Variants in NOP9 observed in about 807,000 individuals in gnomAD.
The protein encoded by NOP9 is nucleolar protein 9.
A neutral mutation model predicts 63.0 loss-of-function variants in NOP9; 50 were observed. The observed-to-expected ratio is 0.79, with a 90% CI of 0.63 to 1.00. The LOEUF is 1.00. NOP9 is among the 50% of genes least tolerant of loss of function. The pLI is 0.00. For synonymous variants in NOP9, 343 were observed against 332.8 expected (o/e 1.03, Z -0.33); for missense variants, 758 against 803.0 (o/e 0.94, Z 0.68).
the NOP9 span, chr14:24,291,456 T>A: frequency 5.3e-6 from 7 of 1,321,066 alleles, no homozygotes; most frequent in Non-Finnish European, 7.7e-6. Context: ...AAGAATGACA[T>A]GTTCCTCAAC....
chr14:24,290,346 G>A, the NOP9 span, among the ~76,000 whole-genome samples: 1 of 152,242 alleles, frequency 6.6e-6, no homozygotes, highest in Non-Finnish European at 1.5e-5. Flanking sequence ...AGGCATCCCT[G>A]AAGAGATGGT....
chr14:24,290,951 G>T, the NOP9 span: 15 of 1,614,052 alleles, frequency 9.3e-6, no homozygotes, highest in Admixed American at 1.7e-4. Context: ...CCGGACACGT[G>T]TGAGAGAACA....
intron 5 of NOP9, 123 bp downstream of exon 5, chr14:24,302,547 T>A (rs890094274): frequency 2.2e-5 from 22 of 984,706 alleles, no homozygotes; most frequent in Non-Finnish European, 2.9e-5. Flanking sequence ...GAAAAGCTAT[T>A]CTTTGAGGTT....
intron 7 of NOP9, 67 bp from the exon 8 acceptor site, chr14:24,303,974 G>A (rs1370532626): frequency 1.3e-6 from 2 of 1,579,580 alleles, no homozygotes; most frequent in Non-Finnish European, 1.7e-6. Context: ...AGGTGGCAGT[G>A]TTCTGGGGAT....
chr14:24,275,942 A>G, the NOP9 span, among the ~76,000 whole-genome samples: 1 of 152,266 alleles, frequency 6.6e-6, no homozygotes, highest in Non-Finnish European at 1.5e-5. Flanking sequence ...ACTTTCTGTG[A>G]CAATGGAAGT....
At chr14:24,297,235 G>A (rs1315964559), upstream of NOP9, among the ~76,000 whole-genome samples, 1 of 152,076 alleles carries the variant, frequency 6.6e-6, no homozygotes, top group Admixed American at 6.6e-5. Flanking sequence ...CCTTGTTGTG[G>A]TCATTTCCAT....
the NOP9 span, chr14:24,290,542 C>G: frequency 3.4e-6 from 1 of 296,920 alleles, no homozygotes; most frequent in Non-Finnish European, 6.4e-6. Flanking sequence ...ATCTTTGAGT[C>G]TTTCTCCCAA....
chr14:24,305,992 G>C lies in NOP9; in HGVS notation c.*897G>C. On this transcript the variant is annotated 3_prime_UTR_variant, in exon 10 of 10. Transcript: ENST00000267425. ...AAGTCCTTGAAAGTCACAACTCATA[G>C]AGTAGAGCCCGTAGAATGTGGCTTT... 6.2e-7 allele frequency: 1 copy of C among 1,614,180 alleles called. No homozygotes were observed. Among genetic ancestry groups the C allele is most frequent in the Non-Finnish European group, 8.5e-7 (1 of 1,180,026 alleles).
In NOP9 at chr14:24,303,362, G is replaced by T; in HGVS notation, c.1284+148G>T. 3 of 959,844 alleles carry T rather than the reference G, an allele frequency of 3.1e-6. No individual in the cohort carries two copies. The South Asian group carries it at 4.5e-5, about 14-fold the overall frequency. 59.5% of individuals were successfully genotyped at this position (959,844 alleles called of 1,614,324 possible). ...GGAATGGGGGAAAATGAGGCCTATAGGTGCCCGCCACCATACCCAGCTAAT... is the reference window on the plus strand; with the variant it reads ...GGAATGGGGGAAAATGAGGCCTATATGTGCCCGCCACCATACCCAGCTAAT... On this transcript the variant is annotated intron_variant, in intron 6 of 9. Coordinates refer to ENST00000267425, the MANE Select transcript of NOP9 (RefSeq NM_174913.3).
At chr14:24,298,920 T>G (rs1594613427), upstream of NOP9, 1 of 1,572,638 alleles carries the variant, frequency 6.4e-7, no homozygotes, top group Admixed American at 1.7e-5. Context: ...CTCTCTCGGG[T>G]GGTTTCTGCA....
chr14:24,305,479 G>A lies in NOP9; in HGVS notation c.*384G>A. On this transcript the variant is annotated 3_prime_UTR_variant, in exon 10 of 10. Coordinates refer to ENST00000267425, the MANE Select transcript of NOP9 (RefSeq NM_174913.3). Reference sequence around the variant, plus strand: ...ATAGACTTGGGATGTGAGGCGTTATGCTGAAAGGTTCTGTCACGAGGGGAT... The same window carrying A: ...ATAGACTTGGGATGTGAGGCGTTATACTGAAAGGTTCTGTCACGAGGGGAT... 1.1e-6 allele frequency: 1 copy of A among 884,160 alleles called. No individual in the cohort carries two copies. The highest frequency in any genetic ancestry group is 1.7e-5 in the South Asian group (1 of 57,338). 54.8% of individuals were successfully genotyped at this position (884,160 alleles called of 1,614,324 possible). A position where few individuals can be genotyped will look rare whatever the true frequency, so the allele number is the denominator to read the frequency against.
In NOP9 at chr14:24,300,221, T is replaced by G. The variant is rs1594616125; in HGVS notation, c.247+20T>G. Reference sequence around the variant, plus strand: ...AACGAGGTAGGCAGCAACTTCGGGGTTTAGACCAAGAGCATCAAATCCAGG... The same window carrying G: ...AACGAGGTAGGCAGCAACTTCGGGGGTTAGACCAAGAGCATCAAATCCAGG... On this transcript the variant is annotated intron_variant, in intron 1 of 9. Coordinates refer to ENST00000267425, the MANE Select transcript of NOP9 (RefSeq NM_174913.3). 1.2e-6 allele frequency: 2 copies of G among 1,611,238 alleles called. No homozygotes were observed. The highest frequency in any genetic ancestry group is 8.5e-7 in the Non-Finnish European group (1 of 1,177,904).
Position 24,303,830 on chromosome 14 carries a change from G to T in NOP9, c.1383G>T (p.Glu461Asp), listed in dbSNP as rs553174329. The change falls in exon 7 of 10, where the codon GAG (glutamate) becomes GAT (aspartate). Residue 461 changes from glutamate (E) to aspartate (D), a missense_variant. Glu to Asp is a conservative substitution (Grantham distance 45). Transcript: ENST00000267425. ...AYEVYYGLTE[E>D]EGAVPAEHQV... ...AGGTGTACTATGGACTGACGGAGGA[G>T]GAGGGGGCAGTGCCTGCAGAGCACC... 6.2e-7 allele frequency: 1 copy of T among 1,614,210 alleles called. No homozygotes were observed. Among genetic ancestry groups the T allele is most frequent in the Non-Finnish European group, 8.5e-7 (1 of 1,180,042 alleles).
upstream of NOP9, chr14:24,299,313 T>C (rs2041323800): frequency 3.5e-6 from 2 of 570,148 alleles, no homozygotes; most frequent in Admixed American, 3.2e-5. Flanking sequence ...CTGACTGTCT[T>C]TTGGGAGGCC....
chr14:24,283,025 A>G, the NOP9 span, among the ~76,000 whole-genome samples: 1 of 152,198 alleles, frequency 6.6e-6, no homozygotes, highest in Non-Finnish European at 1.5e-5. Flanking sequence ...TCAGCACATG[A>G]CAACTCTGTC....
chr14:24,298,854 GAGT>G (rs2041310547), upstream of NOP9: 3 of 1,230,596 alleles, frequency 2.4e-6, no homozygotes, highest in Admixed American at 8.1e-5. Context: ...ACATCTTGTT[GAGT>G]AGTATTATAG....
the NOP9 span, among the ~76,000 whole-genome samples, chr14:24,276,078 A>T: frequency 4.2e-3 from 640 of 151,680 alleles, no homozygotes; most frequent in African/African-American, 0.015. Context: ...TAACTTAAAA[A>T]TTTTTTTTTG....
chr14:24,306,498 C>T lies in NOP9; in HGVS notation c.*1403C>T. Reference sequence around the variant, plus strand: ...CTCCTCTAGCACCAGGGTTAGCACTCCATTCAGCAGTAGGGTCTCCAATGC... The same window carrying T: ...CTCCTCTAGCACCAGGGTTAGCACTTCATTCAGCAGTAGGGTCTCCAATGC... On this transcript the variant is annotated 3_prime_UTR_variant, in exon 10 of 10. Transcript: ENST00000267425. 6.2e-7 allele frequency: 1 copy of T among 1,614,244 alleles called. No individual in the cohort carries two copies. Among genetic ancestry groups the T allele is most frequent in the Non-Finnish European group, 8.5e-7 (1 of 1,180,042 alleles).
In NOP9 at chr14:24,304,688, A is replaced by G. The variant is rs112083798; in HGVS notation, c.1753+90A>G. The G allele has an allele frequency of 3.4e-4, 381 of 1,113,046 alleles. 7 individuals are homozygous for G. The South Asian group carries it at 5.6e-3, about 16-fold the overall frequency. 68.9% of individuals were successfully genotyped at this position (1,113,046 alleles called of 1,614,324 possible). ...TAGCTGGGAAGTCTACTGAAATTCA[A>G]CAGTCTTTAGTTCCAAAGGGTGGTC... is the stretch of plus-strand genomic sequence containing the variant. On this transcript the variant is annotated intron_variant, in intron 9 of 9. Coordinates refer to ENST00000267425, the MANE Select transcript of NOP9 (RefSeq NM_174913.3).
Sources: gnomAD v4.1 joint callset for allele counts (sites outside exome capture counted in the v4.1 genomes callset) on GRCh38, gnomAD v4.1.1 for gene constraint, MANE v1.5 for transcripts, NCBI Gene and HGNC (gene_info 2026-07-23, HGNC 2026-07-21) for gene names.